Variants in PPP4R1 observed in about 807,000 individuals in gnomAD.
PPP4R1 encodes the protein protein phosphatase 4 regulatory subunit 1.
A neutral mutation model predicts 111.2 loss-of-function variants in PPP4R1; 42 were observed. The observed-to-expected ratio is 0.38, with a 90% CI of 0.29 to 0.49. The LOEUF (loss-of-function observed/expected upper bound fraction) is 0.49, where lower values mean the gene tolerates loss of function less well. Ranked by LOEUF, PPP4R1 falls within the 20% of genes least tolerant of loss-of-function variation. PPP4R1 has a pLI of 0.97. For synonymous variants in PPP4R1, 409 were observed against 405.5 expected, an observed-to-expected ratio of 1.01 and a Z score of -0.10; for missense variants, 1,012 against 1,161.6, an observed-to-expected ratio of 0.87 and a Z score of 1.87.
intron 2 of PPP4R1, among the ~76,000 whole-genome samples, chr18:9,604,429 T>C (rs1296185192): frequency 2.0e-5 from 3 of 152,132 alleles, no homozygotes; most frequent in African/African-American, 7.2e-5. Flanking sequence ...CAACTTTCTT[T>C]CTCATGCTGT....
At chr18:9,578,172 A>G (rs894925505) in intron 9 of PPP4R1, among the ~76,000 whole-genome samples, 1 of 152,258 alleles carries the variant, frequency 6.6e-6, no homozygotes, top group Non-Finnish European at 1.5e-5. Context: ...CAAAGGCAAC[A>G]ACAATGGGAA....
At chr18:9,585,488 C>T (rs989099563) in intron 6 of PPP4R1, among the ~76,000 whole-genome samples, 2 of 152,090 alleles carry the variant, frequency 1.3e-5, no homozygotes, top group Non-Finnish European at 2.9e-5. Context: ...ACAGTTAATA[C>T]AGAAAGAAAT....
At chr18:9,610,450 TA>T (rs2067558141) in intron 2 of PPP4R1, among the ~76,000 whole-genome samples, 1 of 152,176 alleles carries the variant, frequency 6.6e-6, no homozygotes, top group Non-Finnish European at 1.5e-5. Context: ...ATATGGTTTT[TA>T]TTGCATTATT....
chr18:9,614,252 T>A lies in PPP4R1; in HGVS notation c.26A>T (p.Glu9Val). MADLSLLQ[E>V]DLQEDADGFG... ...TCCGTCTGCGTCCTCCTGCAGGTCC[T>A]CCTGAAGCAGCGAGAGGTCTGCGCC... The change falls in exon 2 of 20, where the codon GAG (glutamate) becomes GTG (valine). Residue 9 changes from glutamate to valine, a missense_variant. This residue lies in a region of PPP4R1 where 707 missense variants were observed against 742.1 expected (regional missense o/e 0.95). Coordinates refer to ENST00000400556, the MANE Select transcript of PPP4R1 (RefSeq NM_001042388.3). This position sits in a 1 kb window ranked among gnomAD's most constrained non-coding sequence, Gnocchi z 4.1. 1 of 1,332,882 alleles carries A rather than the reference T, an allele frequency of 7.5e-7. No homozygotes were observed. 82.6% of individuals were successfully genotyped at this position (1,332,882 alleles called of 1,614,324 possible).
chr18:9,554,861 T>C (rs1283238772), intron 15 of PPP4R1, among the ~76,000 whole-genome samples: 2 of 152,234 alleles, frequency 1.3e-5, no homozygotes, highest in Admixed American at 1.3e-4. Context: ...CTAGTCAAAT[T>C]TGATGCTCAA....
chr18:9,547,781 C>T lies in PPP4R1; in HGVS notation c.*8G>A. On this transcript the variant is annotated 3_prime_UTR_variant, in exon 20 of 20. Coordinates refer to ENST00000400556, the MANE Select transcript of PPP4R1 (RefSeq NM_001042388.3). ...TGGAAGCAGGAAAGACACCGAGATTCAAGCCTTCTAGTAGGTTGAGGACGC... is the reference window on the plus strand; with the variant it reads ...TGGAAGCAGGAAAGACACCGAGATTTAAGCCTTCTAGTAGGTTGAGGACGC... The T allele has an allele frequency of 6.2e-7, 1 of 1,612,480 alleles. No homozygotes were observed. Among genetic ancestry groups the T allele is most frequent in the Non-Finnish European group, 8.5e-7 (1 of 1,179,816 alleles).
chr18:9,550,452 A>G (rs1002124260), intron 16 of PPP4R1, 54 bp from the exon 17 acceptor site: 5 of 1,523,904 alleles, frequency 3.3e-6, no homozygotes, highest in Non-Finnish European at 4.5e-6. Context: ...AGACAAATGA[A>G]AATAGGTTAC....
intron 3 of PPP4R1, 23 bp from the exon 4 acceptor site, chr18:9,593,897 T>C (rs989677787): frequency 1.9e-6 from 3 of 1,576,042 alleles, no homozygotes; most frequent in African/African-American, 2.7e-5. Flanking sequence ...AACAAAATTA[T>C]GTATGTTCAA....
intron 9 of PPP4R1, among the ~76,000 whole-genome samples, chr18:9,580,044 T>C (rs920491814): frequency 1.3e-5 from 2 of 152,168 alleles, no homozygotes; most frequent in East Asian, 1.9e-4. Context: ...GAGTAAGCTA[T>C]GTTAATCTTT....
chr18:9,564,156 G>A (rs2066723201), intron 11 of PPP4R1, among the ~76,000 whole-genome samples: 1 of 152,100 alleles, frequency 6.6e-6, no homozygotes, highest in Non-Finnish European at 1.5e-5. Context: ...TCAAAAATCT[G>A]GCAACTAGCA....
At chr18:9,604,227 C>T (rs1032960244) in intron 2 of PPP4R1, among the ~76,000 whole-genome samples, 20 of 152,244 alleles carry the variant, frequency 1.3e-4, no homozygotes, top group Non-Finnish European at 2.2e-4. Context: ...TTAAAGACCA[C>T]GGTCCTAGAC....
Position 9,562,015 on chromosome 18 carries a change from A to G in PPP4R1, c.1807T>C (p.Phe603Leu), listed in dbSNP as rs1361726960. 2 of 1,613,140 alleles carry G rather than the reference A, an allele frequency of 1.2e-6. No individual in the cohort carries two copies. Among genetic ancestry groups the G allele is most frequent in the Non-Finnish European group, 1.7e-6 (2 of 1,179,326 alleles). Residue 603 changes from phenylalanine (F) to leucine (L), a missense_variant, in exon 13 of 20, where the codon TTT (phenylalanine) becomes CTT (leucine). By Grantham distance (22) the Phe-to-Leu change is conservative. Coordinates refer to ENST00000400556, the MANE Select transcript of PPP4R1 (RefSeq NM_001042388.3). Reference sequence around the variant, plus strand: ...GTTCTCCTTTCCTCATCAGGGCTAAAACTGCTATTGTTGCTCAAGTCTGAA... The same window carrying G: ...GTTCTCCTTTCCTCATCAGGGCTAAGACTGCTATTGTTGCTCAAGTCTGAA... ...SDSDLSNNSSFSPDEERRTKV... is the reference protein window; with the variant it reads ...SDSDLSNNSSLSPDEERRTKV...
chr18:9,577,216 T>A (rs751497328), intron 9 of PPP4R1, 25 bp from the exon 10 acceptor site: 1 of 1,583,962 alleles, frequency 6.3e-7, no homozygotes, highest in Non-Finnish European at 8.6e-7. Flanking sequence ...AGGACAATAA[T>A]AAAGGAATCA....
At position 9,607,066 on chromosome 18, in the gene PPP4R1, G is replaced by C. The variant is rs768974916; in HGVS notation, c.52+7160C>G. 1.1e-3 allele frequency among the ~76,000 whole-genome samples: 160 copies of C among 152,214 alleles called. 1 individual carries two copies. Among genetic ancestry groups the C allele is most frequent in the Non-Finnish European group, 2.0e-3 (138 of 68,010 alleles). Reference sequence around the variant, plus strand: ...ATTTCATAGATTTAAATATAAAAGTGATCTACATCAGGCTGGGTGCAGTGG... The same window carrying C: ...ATTTCATAGATTTAAATATAAAAGTCATCTACATCAGGCTGGGTGCAGTGG... On this transcript the variant is annotated intron_variant, in intron 2 of 19. Coordinates refer to ENST00000400556, the MANE Select transcript of PPP4R1 (RefSeq NM_001042388.3).
At chr18:9,590,689 T>TA (rs141749473) in intron 4 of PPP4R1, among the ~76,000 whole-genome samples, 96 of 145,880 alleles carry the variant, frequency 6.6e-4, no homozygotes, top group South Asian at 5.2e-3. Flanking sequence ...CTACTCACAT[T>TA]AAAAAAAAAA....
intron 9 of PPP4R1, among the ~76,000 whole-genome samples, chr18:9,582,055 G>A (rs569135596): frequency 5.9e-5 from 9 of 152,040 alleles, no homozygotes; most frequent in South Asian, 4.2e-4. Flanking sequence ...AAAGTTTTTC[G>A]GGTTGAAAGC....
At position 9,584,706 on chromosome 18, in the gene PPP4R1, AC is replaced by A. The variant is rs779235577; in HGVS notation, c.693+14del. 1.2e-6 allele frequency: 2 copies of A among 1,612,364 alleles called. No individual in the cohort carries two copies. Among genetic ancestry groups the A allele is most frequent in the South Asian group, 1.1e-5 (1 of 90,858 alleles). Reference sequence around the variant, plus strand: ...TATGTTCTTAAACAGCAGAAAAAAAACGACAAAAAAATACCTTTCGAACGTG... The same window carrying A: ...TATGTTCTTAAACAGCAGAAAAAAAAGACAAAAAAATACCTTTCGAACGTG... On this transcript the variant is annotated intron_variant, in intron 7 of 19. Coordinates refer to ENST00000400556, the MANE Select transcript of PPP4R1 (RefSeq NM_001042388.3).
chr18:9,611,574 C>T (rs1284306112), intron 2 of PPP4R1, among the ~76,000 whole-genome samples: 1 of 152,198 alleles, frequency 6.6e-6, no homozygotes. Context: ...GTAAAGGTAT[C>T]ACCTGTAAAA....
intron 9 of PPP4R1, among the ~76,000 whole-genome samples, chr18:9,577,712 T>C (rs2066960569): frequency 6.6e-6 from 1 of 152,152 alleles, no homozygotes; most frequent in Admixed American, 6.5e-5. Flanking sequence ...TTACTTTCAA[T>C]TGTTTTTATC....
Sources: allele counts gnomAD v4.1 joint callset (sites outside exome capture counted in the v4.1 genomes callset), GRCh38; gene constraint gnomAD v4.1.1; regional missense constraint gnomAD v4.1.1; non-coding constraint Gnocchi (gnomAD v3.1); transcripts MANE v1.5; gene names NCBI Gene and HGNC (gene_info 2026-07-23, HGNC 2026-07-21).